The following STX18 variants were observed in gnomAD, a reference collection of about 807,000 sequenced individuals.
STX18 encodes the protein syntaxin 18.
STX18 carries 40 observed loss-of-function variants against 50.1 expected under a neutral mutation model. The ratio of observed to expected loss-of-function variants is 0.80; its 90% CI spans 0.62 to 1.04. The LOEUF (loss-of-function observed/expected upper bound fraction) is 1.04. STX18 is among the 50% of genes least tolerant of loss of function. STX18 has a pLI of 0.00. For missense variants in STX18, 410 were observed against 415.8 expected, an observed-to-expected ratio of 0.99 and a Z score of 0.12; for synonymous variants, 158 against 151.8, an observed-to-expected ratio of 1.04 and a Z score of -0.30.
chr4:4,440,828 T>TA (rs1414322823), intron 5 of STX18, among the ~76,000 whole-genome samples: 1 of 152,186 alleles, frequency 6.6e-6, no homozygotes, highest in African/African-American at 2.4e-5. Context: ...TCATAAAACT[T>TA]AGTGCCTTGA....
chr4:4,513,724 C>T (rs1395755039), intron 1 of STX18, among the ~76,000 whole-genome samples: 1 of 152,182 alleles, frequency 6.6e-6, no homozygotes, highest in African/African-American at 2.4e-5. Flanking sequence ...ATCTTTAATG[C>T]TGAGTAAAAA....
intron 5 of STX18, among the ~76,000 whole-genome samples, chr4:4,442,760 T>C (rs1489019393): frequency 6.7e-6 from 1 of 149,636 alleles, no homozygotes; most frequent in Non-Finnish European, 1.5e-5. Flanking sequence ...TTCTGCTCAA[T>C]TTTGCTATGA....
At chr4:4,431,947 C>G (rs907589743) in intron 7 of STX18, among the ~76,000 whole-genome samples, 1 of 152,120 alleles carries the variant, frequency 6.6e-6, no homozygotes. Flanking sequence ...ATGTGCACCT[C>G]GAGGGCCTAG....
At chr4:4,532,294 C>A (rs1455054392) in intron 1 of STX18, among the ~76,000 whole-genome samples, 1 of 152,132 alleles carries the variant, frequency 6.6e-6, no homozygotes, top group Non-Finnish European at 1.5e-5. Context: ...CTTCTTTATT[C>A]TGTTTAATGA....
intron 2 of STX18, among the ~76,000 whole-genome samples, chr4:4,470,865 G>A (rs1727877234): frequency 6.6e-6 from 1 of 152,210 alleles, no homozygotes; most frequent in Admixed American, 6.5e-5. Context: ...GGAGACCGCA[G>A]TGTAGAGGCT....
chr4:4,447,107 T>C (rs10006488), intron 5 of STX18, among the ~76,000 whole-genome samples: 18 of 152,242 alleles, frequency 1.2e-4, no homozygotes, highest in African/African-American at 4.3e-4. Flanking sequence ...GATTATTAAA[T>C]TTAGCATCTA....
At chr4:4,522,753 AATC>A (rs1359529653) in intron 1 of STX18, among the ~76,000 whole-genome samples, 1 of 152,262 alleles carries the variant, frequency 6.6e-6, no homozygotes, top group Non-Finnish European at 1.5e-5. Flanking sequence ...AGGTAAAATT[AATC>A]ATCAGTAGAA....
At chr4:4,526,813 A>T (rs1730787045) in intron 1 of STX18, among the ~76,000 whole-genome samples, 1 of 152,144 alleles carries the variant, frequency 6.6e-6, no homozygotes, top group African/African-American at 2.4e-5. Context: ...CAAAAAAAAA[A>T]TTGAAAAAAT....
chr4:4,465,521 C>A (rs542089414), intron 2 of STX18, among the ~76,000 whole-genome samples: 39 of 152,144 alleles, frequency 2.6e-4, no homozygotes, highest in Non-Finnish European at 4.4e-4. Context: ...AACCAAATAC[C>A]ACATGTTCTC....
chr4:4,503,800 C>G (rs985006529), intron 1 of STX18, among the ~76,000 whole-genome samples: 2 of 151,668 alleles, frequency 1.3e-5, no homozygotes, highest in African/African-American at 4.8e-5. Flanking sequence ...TTTTTTTCAA[C>G]AAATGATGGT....
Position 4,467,439 on chromosome 4 carries a change from A to G in STX18, c.236+4200T>C, listed in dbSNP as rs540686963. On this transcript the variant is annotated intron_variant, in intron 2 of 10. Transcript: ENST00000306200. ...CTGTCATAACTTTCTCACTGTTACA[A>G]CCTTTGCAAAGGTGGTTTCACTACT... Among the ~76,000 whole-genome samples, 18 of 152,170 alleles carry G rather than the reference A, an allele frequency of 1.2e-4. No individual in the cohort carries two copies. The South Asian group carries it at 3.7e-3, about 32-fold the overall frequency.
At chr4:4,422,657 C>T (rs919703566) in intron 9 of STX18, among the ~76,000 whole-genome samples, 2 of 152,120 alleles carry the variant, frequency 1.3e-5, no homozygotes, top group African/African-American at 4.8e-5. Context: ...GCTCTGCACG[C>T]CCCTCCCAGG....
At chr4:4,519,350 T>C (rs148144433) in intron 1 of STX18, among the ~76,000 whole-genome samples, 247 of 152,284 alleles carry the variant, frequency 1.6e-3, no homozygotes, top group African/African-American at 5.4e-3. Flanking sequence ...ACTTCATCTG[T>C]AGCTCAAGGA....
At chr4:4,471,535 A>G (rs982012456) in intron 2 of STX18, 104 bp downstream of exon 2, 1 of 737,942 alleles carries the variant, frequency 1.4e-6, no homozygotes, top group Non-Finnish European at 2.1e-6. Context: ...CCTCATTACA[A>G]CTCTGAGTTA....
intron 1 of STX18, among the ~76,000 whole-genome samples, chr4:4,488,307 A>G (rs1456122009): frequency 6.7e-6 from 1 of 149,782 alleles, no homozygotes; most frequent in Non-Finnish European, 1.5e-5. Context: ...ACTGACATTT[A>G]AAAAAAAAAG....
intron 1 of STX18, among the ~76,000 whole-genome samples, chr4:4,528,602 G>GT (rs1400234259): frequency 2.6e-5 from 4 of 152,198 alleles, no homozygotes; most frequent in Non-Finnish European, 5.9e-5. Context: ...CCAGCTCCAG[G>GT]TATTCCTTTA....
At chr4:4,505,628 A>T (rs1007465952) in intron 1 of STX18, among the ~76,000 whole-genome samples, 1 of 151,896 alleles carries the variant, frequency 6.6e-6, no homozygotes, top group South Asian at 2.1e-4. Context: ...AAAAATAAAA[A>T]AAAAAAAAAA....
chr4:4,474,687 A>G (rs1728086410), intron 1 of STX18, among the ~76,000 whole-genome samples: 1 of 152,176 alleles, frequency 6.6e-6, no homozygotes, highest in African/African-American at 2.4e-5. Flanking sequence ...CAATGTGAGA[A>G]AGACTCATTC....
At chr4:4,528,286 AG>A (rs1407393179) in intron 1 of STX18, among the ~76,000 whole-genome samples, 1 of 151,956 alleles carries the variant, frequency 6.6e-6, no homozygotes, top group African/African-American at 2.4e-5. Context: ...CCAATATTGG[AG>A]GGGGGGCCTG....
Sources: gnomAD v4.1 joint callset for allele counts (sites outside exome capture counted in the v4.1 genomes callset) on GRCh38, gnomAD v4.1.1 for gene constraint, MANE v1.5 for transcripts, NCBI Gene and HGNC (gene_info 2026-07-23, HGNC 2026-07-21) for gene names.